ABCC6: variants seen among roughly 807,000 people sequenced by gnomAD.
ABCC6 encodes the protein ATP binding cassette subfamily C member 6.
A neutral mutation model predicts 169.5 loss-of-function variants in ABCC6; 126 were observed. The observed-to-expected ratio is 0.74, with a 90% CI of 0.64 to 0.86. ABCC6 has a LOEUF of 0.86. ABCC6 is among the 40% of genes least tolerant of loss of function. ABCC6 has a pLI of 0.00. For synonymous variants in ABCC6, 752 were observed against 814.7 expected (o/e 0.92, Z 1.31); for missense variants, 1,733 against 1,927.2 (o/e 0.90, Z 1.89).
rs1380972325 is a variant in ABCC6, at chr16:16,149,703, G to A, written c.*430C>T. 3.1e-6 allele frequency: 1 copy of A among 325,712 alleles called. No homozygotes were observed. Among genetic ancestry groups the A allele is most frequent in the Non-Finnish European group, 5.8e-6 (1 of 172,758 alleles). The allele number at this position is 325,712 out of a possible 1,614,324, so 20.2% of individuals were successfully genotyped here. ...AGTACACGAATCTCTCTATATTATT[G>A]TTTCTTTAACTGCATGTGAGTCTGG... is the stretch of plus-strand genomic sequence containing the variant. On this transcript the variant is annotated 3_prime_UTR_variant, in exon 31 of 31. Transcript: ENST00000205557.
chr16:16,218,422 C>T (rs2856595), intron 4 of ABCC6, among the ~76,000 whole-genome samples: 1,972 of 11,960 alleles, frequency 0.16, 265 homozygotes, highest in East Asian at 0.33. Context: ...AGCACACTGT[C>T]GAGGCCAGTG....
chr16:16,221,594 T>C lies in ABCC6; in HGVS notation c.219+55A>G, dbSNP rs773740035. 13 of 1,596,740 alleles carry C rather than the reference T, an allele frequency of 8.1e-6. No individual in the cohort carries two copies. The East Asian group carries it at 2.7e-4, about 33-fold the overall frequency. On this transcript the variant is annotated intron_variant, in intron 2 of 30. Coordinates refer to ENST00000205557, the MANE Select transcript of ABCC6 (RefSeq NM_001171.6). ...TAAGACTTCACCAGGTTCCAGCCTGTCCCCTGCCTCCCCCGAACATTGCCT... is the reference window on the plus strand; with the variant it reads ...TAAGACTTCACCAGGTTCCAGCCTGCCCCCTGCCTCCCCCGAACATTGCCT...
intron 20 of ABCC6, 88 bp downstream of exon 20, chr16:16,175,823 C>T (rs995703290): frequency 4.5e-5 from 66 of 1,476,036 alleles, no homozygotes; most frequent in African/African-American, 1.7e-4. Flanking sequence ...TTTGGTTGCC[C>T]GCCTAACTGC....
chr16:16,173,528 T>A, intron 20 of ABCC6, 124 bp from the exon 21 acceptor site: 1 of 1,190,008 alleles, frequency 8.4e-7, no homozygotes, highest in Non-Finnish European at 1.2e-6. Context: ...TTTCATTCAT[T>A]CATTTATCTA....
intron 12 of ABCC6, 135 bp downstream of exon 12, chr16:16,190,029 G>T: frequency 1.1e-6 from 1 of 897,528 alleles, no homozygotes; most frequent in African/African-American, 1.7e-5. Context: ...GGGACCCAGA[G>T]AGAACAGGAT....
rs144882908 is a variant in ABCC6 at position 16,173,185 on chromosome 16, A to G, written c.2787+99T>C. 1,481 of 1,546,944 alleles carry G rather than the reference A, an allele frequency of 9.6e-4. 13 individuals are homozygous for G. In the East Asian group the frequency reaches 0.021, roughly 22 times the overall value. ...CTGGCACATAGTAGGTGCTCAAGAAAGGTGAGTATCACTGCCAAGTGCTAC... is the reference window on the plus strand; with the variant it reads ...CTGGCACATAGTAGGTGCTCAAGAAGGGTGAGTATCACTGCCAAGTGCTAC... On this transcript the variant is annotated intron_variant, in intron 21 of 30. Coordinates refer to ENST00000205557, the MANE Select transcript of ABCC6 (RefSeq NM_001171.6).
intron 14 of ABCC6, 103 bp downstream of exon 14, chr16:16,187,021 C>T (rs2047672225): frequency 3.0e-6 from 3 of 1,008,174 alleles, no homozygotes; most frequent in Admixed American, 2.0e-5. Context: ...TGCCCGCAGC[C>T]CCCATCTCCC....
At chr16:16,174,966 G>A (rs957259964) in intron 20 of ABCC6, among the ~76,000 whole-genome samples, 9 of 151,034 alleles carry the variant, frequency 6.0e-5, no homozygotes, top group African/African-American at 2.2e-4. Context: ...TAGTAGAGAC[G>A]GGTTCACCAT....
chr16:16,185,098 GC>G, intron 14 of ABCC6, 64 bp from the exon 15 acceptor site: 1 of 1,466,134 alleles, frequency 6.8e-7, no homozygotes, highest in Non-Finnish European at 9.5e-7. Flanking sequence ...CATCGGAGAG[GC>G]CCCCAGGCAC....
intron 17 of ABCC6, among the ~76,000 whole-genome samples, chr16:16,179,886 C>T (rs145254147): frequency 4.1e-4 from 63 of 152,278 alleles, no homozygotes; most frequent in African/African-American, 1.4e-3. Context: ...CCACTGCGCC[C>T]GGCCTACTTG....
chr16:16,165,567 G>A, intron 23 of ABCC6, 56 bp downstream of exon 23: 5 of 1,593,256 alleles, frequency 3.1e-6, no homozygotes, highest in Non-Finnish European at 4.3e-6. Flanking sequence ...CCAGAGACAG[G>A]GGACTGGCTG....
chr16:16,169,761 G>A lies in ABCC6; in HGVS notation c.2880C>T (p.Ala960=), dbSNP rs754493974. The change falls in exon 22 of 31, where the codon GCC becomes GCT. Residue 960 remains alanine (A), a synonymous_variant. Transcript: ENST00000205557. ...TCAGCCAGTAGCCCCGGCAGAAGGA[G>A]GCCACTTGCTGGCAGAGGAAGAGGA... The part of the protein sequence containing the change: ...ALFLFLCQQV[A]SFCRGYWLSL... 10 of 1,601,262 alleles carry A rather than the reference G, an allele frequency of 6.2e-6. No homozygotes were observed. Among genetic ancestry groups the A allele is most frequent in the African/African-American group, 1.3e-5 (1 of 74,668 alleles).
In ABCC6 at chr16:16,169,759, G is replaced by A. The variant is rs987609654; in HGVS notation, c.2882C>T (p.Ser961Phe). Reference sequence around the variant, plus strand: ...GCTCAGCCAGTAGCCCCGGCAGAAGGAGGCCACTTGCTGGCAGAGGAAGAG... The same window carrying A: ...GCTCAGCCAGTAGCCCCGGCAGAAGAAGGCCACTTGCTGGCAGAGGAAGAG... The part of the protein sequence containing the change: ...LFLFLCQQVA[S>F]FCRGYWLSLW... Residue 961 changes from serine (S) to phenylalanine (F), a missense_variant, in exon 22 of 31, where the codon TCC becomes TTC. Ser to Phe is a radical substitution (Grantham distance 155, BLOSUM62 -2). Around this residue, in one of 5 missense-constraint regions of ABCC6, gnomAD observed 1,601 missense variants for 1,635.5 expected, o/e 0.98. Transcript: ENST00000205557. 9 of 1,601,564 alleles carry A rather than the reference G, an allele frequency of 5.6e-6. No individual in the cohort carries two copies. In the Admixed American group the frequency reaches 8.6e-5, roughly 15 times the overall value.
rs1432448648 is a variant in ABCC6, at chr16:16,182,785, A to G, written c.2070+19T>C. ...TCAGGATGGGGACATCCTAGCAGAC[A>G]GGCTGGGGGTGGCCTCACCTCGATG... On this transcript the variant is annotated intron_variant, in intron 16 of 30. Coordinates refer to ENST00000205557, the MANE Select transcript of ABCC6 (RefSeq NM_001171.6). 6.2e-7 allele frequency: 1 copy of G among 1,613,828 alleles called. No homozygotes were observed.
At chr16:16,189,754 G>T (rs188640275) in intron 12 of ABCC6, among the ~76,000 whole-genome samples, 1 of 152,110 alleles carries the variant, frequency 6.6e-6, no homozygotes, top group Non-Finnish European at 1.5e-5. Flanking sequence ...GTTTAGGAAG[G>T]TTGTTCTGAC....
At chr16:16,159,616 G>T (rs2046650343) in intron 25 of ABCC6, 33 bp from the exon 26 acceptor site, 5 of 1,605,882 alleles carry the variant, frequency 3.1e-6, no homozygotes, top group Non-Finnish European at 4.3e-6. Flanking sequence ...GCTGGGTTTG[G>T]CAAGGCCACT....
chr16:16,214,772 CT>C (rs1398884188), intron 4 of ABCC6, among the ~76,000 whole-genome samples: 1 of 151,964 alleles, frequency 6.6e-6, no homozygotes, highest in East Asian at 1.9e-4. Flanking sequence ...GCCTGGCTAA[CT>C]TTTTTAAAAT....
rs1189825126 is a variant in ABCC6 at position 16,182,834 on chromosome 16, C to T, written c.2040G>A (p.Leu680=). Residue 680 remains leucine, a synonymous_variant, in exon 16 of 31, where the codon CTG becomes CTA. Coordinates refer to ENST00000205557, the MANE Select transcript of ABCC6 (RefSeq NM_001171.6). ...TGCTCACGAACCCCTCCACCTTTGA[C>T]AGCTCCCCAAGGAGGGCGGACAGCA... is the stretch of plus-strand genomic sequence containing the variant. ...SSLLSALLGE[L]SKVEGFVSIE... is the part of the protein sequence containing the mutation. 1 of 1,614,078 alleles carries T rather than the reference C, an allele frequency of 6.2e-7. No individual in the cohort carries two copies. Among genetic ancestry groups the T allele is most frequent in the Non-Finnish European group, 8.5e-7 (1 of 1,180,016 alleles).
chr16:16,201,787 C>T (rs907799617), intron 9 of ABCC6, among the ~76,000 whole-genome samples: 15 of 152,268 alleles, frequency 9.9e-5, no homozygotes, highest in South Asian at 8.3e-4. Context: ...GAGATTGCAC[C>T]ACTGCACTCC....
Sources: gnomAD v4.1 joint callset for allele counts (sites outside exome capture counted in the v4.1 genomes callset) on GRCh38, gnomAD v4.1.1 for gene constraint, gnomAD v4.1.1 regional missense constraint, MANE v1.5 for transcripts, NCBI Gene and HGNC (gene_info 2026-07-23, HGNC 2026-07-21) for gene names.